Variants in MAPK10 observed in about 807,000 individuals in gnomAD.
The protein encoded by MAPK10 is mitogen-activated protein kinase 10.
Under a neutral mutation model 59.3 loss-of-function variants are expected in MAPK10, and 25 were observed. The ratio of observed to expected loss-of-function variants is 0.42; its 90% CI spans 0.31 to 0.59. The LOEUF (loss-of-function observed/expected upper bound fraction) is 0.59. Among genes scored for constraint, MAPK10 ranks in the 20% least tolerant of loss-of-function variants. The probability of loss-of-function intolerance (pLI) is 0.15; values close to 1 mark genes in which losing one functional copy is unlikely to be tolerated. For missense variants in MAPK10, 351 were observed against 568.9 expected (o/e 0.62, Z 3.90); for synonymous variants, 190 against 200.5 (o/e 0.95, Z 0.44).
chr4:86,436,189 G>C lies in MAPK10; in HGVS notation c.-122+16841C>G, dbSNP rs138889614. ...ACCTCAGTCACTTTGAGCAACACTA[G>C]ACCCTGAATATAAGTGTAAAGGGCT... On this transcript the variant is annotated intron_variant, in intron 1 of 13. Transcript: ENST00000361569. Among the ~76,000 whole-genome samples, 503 of 152,244 alleles carry C rather than the reference G, an allele frequency of 3.3e-3. 2 individuals are homozygous for C. The highest frequency in any genetic ancestry group is 0.012 in the African/African-American group (481 of 41,532).
chr4:86,195,813 T>C (rs1020839311), intron 2 of MAPK10, among the ~76,000 whole-genome samples: 1 of 152,176 alleles, frequency 6.6e-6, no homozygotes, highest in Non-Finnish European at 1.5e-5. Flanking sequence ...AGTGAGAACA[T>C]GCAGTGTTTG....
At chr4:86,432,742 C>G (rs893046886) in intron 1 of MAPK10, among the ~76,000 whole-genome samples, 11 of 152,116 alleles carry the variant, frequency 7.2e-5, no homozygotes, top group Admixed American at 6.5e-4. Flanking sequence ...ATGAGAGGAG[C>G]CCAAAACAAC....
intron 1 of MAPK10, among the ~76,000 whole-genome samples, chr4:86,577,031 T>C (rs1005489955): frequency 2.0e-5 from 3 of 152,198 alleles, no homozygotes; most frequent in Non-Finnish European, 4.4e-5. Flanking sequence ...AGGCCCACTA[T>C]ATTGGCTTAC....
At chr4:86,088,094 C>T (rs2052314716) in intron 9 of MAPK10, among the ~76,000 whole-genome samples, 1 of 152,092 alleles carries the variant, frequency 6.6e-6, no homozygotes, top group Non-Finnish European at 1.5e-5. Context: ...TTTAACAGGA[C>T]CCATGACACA....
intron 1 of MAPK10, among the ~76,000 whole-genome samples, chr4:86,581,899 T>TTATATATA (rs67303972): frequency 9.8e-5 from 9 of 91,582 alleles, no homozygotes; most frequent in South Asian, 3.4e-4. Context: ...GCTATATATA[T>TTATATATA]TATATATATA....
At chr4:86,528,977 A>C (rs942503001) in intron 1 of MAPK10, among the ~76,000 whole-genome samples, 13 of 152,302 alleles carry the variant, frequency 8.5e-5, no homozygotes, top group African/African-American at 3.1e-4. Context: ...TGGGGGAAGT[A>C]GGGTTGGGTG....
intron 1 of MAPK10, among the ~76,000 whole-genome samples, chr4:86,447,760 T>G (rs1443143974): frequency 6.6e-6 from 1 of 152,232 alleles, no homozygotes; most frequent in Admixed American, 6.5e-5. Flanking sequence ...TTATATTCCT[T>G]GAAGTTTTCT....
chr4:86,034,569 C>T (rs188627356), intron 11 of MAPK10, among the ~76,000 whole-genome samples: 528 of 152,282 alleles, frequency 3.5e-3, no homozygotes, highest in Non-Finnish European at 6.1e-3. Flanking sequence ...GCACCTAACA[C>T]ATGGCAGACT....
intron 1 of MAPK10, among the ~76,000 whole-genome samples, chr4:86,449,800 C>T (rs1195892279): frequency 6.6e-6 from 1 of 152,228 alleles, no homozygotes; most frequent in Non-Finnish European, 1.5e-5. Flanking sequence ...TCCCAGAAGA[C>T]TGGAGGACAA....
At chr4:86,287,654 C>T (rs940632349) in intron 2 of MAPK10, among the ~76,000 whole-genome samples, 5 of 152,140 alleles carry the variant, frequency 3.3e-5, no homozygotes, top group African/African-American at 1.2e-4. Flanking sequence ...TAAAATTACT[C>T]CCAATAATCC....
intron 1 of MAPK10, among the ~76,000 whole-genome samples, chr4:86,565,955 T>C (rs1452318411): frequency 2.0e-5 from 3 of 152,312 alleles, no homozygotes; most frequent in Non-Finnish European, 2.9e-5. Context: ...GCTCAATTCC[T>C]TCCCCCCAAG....
At chr4:86,366,041 T>C (rs558781022) in intron 1 of MAPK10, among the ~76,000 whole-genome samples, 1 of 152,318 alleles carries the variant, frequency 6.6e-6, no homozygotes, top group South Asian at 2.1e-4. Flanking sequence ...CCTTACCTTA[T>C]AAATACAAAC....
intron 3 of MAPK10, among the ~76,000 whole-genome samples, chr4:86,180,162 T>C (rs567486600): frequency 7.9e-5 from 12 of 151,642 alleles, no homozygotes; most frequent in Non-Finnish European, 1.5e-4. Context: ...GATTATAAAA[T>C]AAACAAATGA....
At chr4:86,247,533 AT>A (rs2093174324) in intron 2 of MAPK10, among the ~76,000 whole-genome samples, 1 of 152,194 alleles carries the variant, frequency 6.6e-6, no homozygotes, top group African/African-American at 2.4e-5. Context: ...AGTCAGATAA[AT>A]GAGTCACAGC....
At chr4:86,410,626 C>T (rs1472864899) in intron 1 of MAPK10, among the ~76,000 whole-genome samples, 5 of 152,124 alleles carry the variant, frequency 3.3e-5, no homozygotes, top group African/African-American at 1.2e-4. Flanking sequence ...CTGGTTTAGT[C>T]TTGGGAGTGT....
At chr4:86,355,180 C>G (rs1027233991) in intron 1 of MAPK10, among the ~76,000 whole-genome samples, 1 of 152,162 alleles carries the variant, frequency 6.6e-6, no homozygotes, top group Non-Finnish European at 1.5e-5. Context: ...TACTTCCCAA[C>G]ATTATATTAG....
At chr4:86,281,503 AT>A (rs2148798868) in intron 2 of MAPK10, among the ~76,000 whole-genome samples, 1 of 140,204 alleles carries the variant, frequency 7.1e-6, no homozygotes, top group South Asian at 2.3e-4. Context: ...CCCCCTCAAA[AT>A]AAAAAATAAA....
intron 10 of MAPK10, among the ~76,000 whole-genome samples, chr4:86,067,325 G>C (rs1189881590): frequency 6.6e-6 from 1 of 151,896 alleles, no homozygotes; most frequent in African/African-American, 2.4e-5. Context: ...TATATTTTTA[G>C]GAGAGACGCA....
intron 2 of MAPK10, among the ~76,000 whole-genome samples, chr4:86,306,126 T>A (rs2095563522): frequency 6.6e-6 from 1 of 152,178 alleles, no homozygotes; most frequent in African/African-American, 2.4e-5. Flanking sequence ...GTATCAGAAA[T>A]TAAGCTAAAA....
Sources: gnomAD v4.1 joint callset for allele counts (sites outside exome capture counted in the v4.1 genomes callset) on GRCh38, gnomAD v4.1.1 for gene constraint, MANE v1.5 for transcripts, NCBI Gene and HGNC (gene_info 2026-07-23, HGNC 2026-07-21) for gene names.